ECHDC1: variants seen among roughly 807,000 people sequenced by gnomAD.
The protein encoded by ECHDC1 is ethylmalonyl-CoA decarboxylase 1.
In ECHDC1, 29 loss-of-function variants were observed where a neutral mutation model predicts 29.7. The ratio of observed to expected loss-of-function variants is 0.98; its 90% CI spans 0.73 to 1.33. The LOEUF is 1.33. Among genes scored for constraint, ECHDC1 ranks in the 40% most tolerant of loss-of-function variants. The pLI, the probability that ECHDC1 is intolerant of heterozygous loss-of-function variation, is 0.00. For synonymous variants in ECHDC1, 126 were observed against 123.1 expected, an observed-to-expected ratio of 1.02 and a Z score of -0.15; for missense variants, 328 against 350.0, an observed-to-expected ratio of 0.94 and a Z score of 0.50.
rs184349694 is a variant in ECHDC1, at chr6:127,297,064, T to G, written c.498-6787A>C. Among the ~76,000 whole-genome samples, 8 of 152,236 alleles carry G rather than the reference T, an allele frequency of 5.3e-5. No individual in the cohort carries two copies. The East Asian group carries it at 1.5e-3, about 29-fold the overall frequency. ...TGCATATTAAAACTATGCTGAAATA[T>G]TGTTCCTTACCCATGAAATTGGCAA... is the stretch of plus-strand genomic sequence containing the variant. On this transcript the variant is annotated intron_variant, in intron 5 of 5. Coordinates refer to ENST00000454859, the MANE Select transcript of ECHDC1 (RefSeq NM_001002030.2).
At chr6:127,295,324 G>T (rs1192070422) in intron 5 of ECHDC1, among the ~76,000 whole-genome samples, 5 of 152,124 alleles carry the variant, frequency 3.3e-5, no homozygotes, top group Non-Finnish European at 7.3e-5. Context: ...TACCTTGGCT[G>T]AGGGTTATTT....
chr6:127,325,230 ATAT>A (rs1783215682), intron 3 of ECHDC1, among the ~76,000 whole-genome samples: 1 of 152,206 alleles, frequency 6.6e-6, no homozygotes, highest in Non-Finnish European at 1.5e-5. Flanking sequence ...ATTCTACAGA[ATAT>A]CTAACCAGCA....
intron 5 of ECHDC1, among the ~76,000 whole-genome samples, chr6:127,293,328 A>G (rs1049688514): frequency 5.9e-5 from 9 of 152,176 alleles, no homozygotes; most frequent in Non-Finnish European, 1.0e-4. Flanking sequence ...TACTTCTAGT[A>G]AATTCTGTGA....
At position 127,288,937 on chromosome 6, in the gene ECHDC1, G is replaced by T. The variant is rs1199207272; in HGVS notation, c.*932C>A. The T allele has an allele frequency of 2.6e-5, 4 of 151,990 alleles. No individual in the cohort carries two copies. Among genetic ancestry groups the T allele is most frequent in the Non-Finnish European group, 5.9e-5 (4 of 67,950 alleles). The allele number at this position is 151,990 out of a possible 1,614,324, so 9.4% of individuals were successfully genotyped here. A position where few individuals can be genotyped will look rare whatever the true frequency, so the allele number is the denominator to read the frequency against. ...GAATGTTACAGTAGCAAATACTTTTGACCTCTTGTGATGAGTCAGAACTAG... is the reference window on the plus strand; with the variant it reads ...GAATGTTACAGTAGCAAATACTTTTTACCTCTTGTGATGAGTCAGAACTAG... On this transcript the variant is annotated 3_prime_UTR_variant, in exon 6 of 6. Transcript: ENST00000454859.
chr6:127,290,093 G>C lies in ECHDC1; in HGVS notation c.682C>G (p.Gln228Glu), dbSNP rs1290493484. 1 of 1,613,678 alleles carries C rather than the reference G, an allele frequency of 6.2e-7. No homozygotes were observed. Among genetic ancestry groups the C allele is most frequent in the South Asian group, 1.1e-5 (1 of 91,062 alleles). ...AGAGATTTAGTTTCATCTGAAGACTGCAAGACCTCTTCAACCATTCCTATG... is the reference window on the plus strand; with the variant it reads ...AGAGATTTAGTTTCATCTGAAGACTCCAAGACCTCTTCAACCATTCCTATG... Reference protein sequence around the residue: ...LNIGMVEEVLQSSDETKSLEE... With the variant: ...LNIGMVEEVLESSDETKSLEE... The change falls in exon 6 of 6, where the codon CAG becomes GAG. Residue 228 changes from glutamine to glutamate, a missense_variant. By Grantham distance (29) the Gln-to-Glu change is conservative. Transcript: ENST00000454859.
chr6:127,296,205 T>G (rs1338612268), intron 5 of ECHDC1, among the ~76,000 whole-genome samples: 1 of 152,190 alleles, frequency 6.6e-6, no homozygotes, highest in Non-Finnish European at 1.5e-5. Context: ...TGTCTGTTTT[T>G]TTTTAGACAG....
intron 2 of ECHDC1, among the ~76,000 whole-genome samples, chr6:127,329,064 A>T (rs965246357): frequency 3.3e-5 from 5 of 151,728 alleles, no homozygotes; most frequent in South Asian, 2.1e-4. Context: ...ATAAATAAAT[A>T]AAAAAAACAA....
intron 1 of ECHDC1, among the ~76,000 whole-genome samples, chr6:127,337,916 C>A (rs1395789248): frequency 6.6e-6 from 1 of 152,142 alleles, no homozygotes; most frequent in East Asian, 1.9e-4. Flanking sequence ...CTGAAGCTTT[C>A]TTTACTTTTT....
At chr6:127,318,467 C>A (rs1488842033) in intron 3 of ECHDC1, among the ~76,000 whole-genome samples, 1 of 152,144 alleles carries the variant, frequency 6.6e-6, no homozygotes, top group African/African-American at 2.4e-5. Flanking sequence ...ATCATCTCTA[C>A]AAGATGGGGA....
At chr6:127,293,754 G>A (rs1257846350) in intron 5 of ECHDC1, among the ~76,000 whole-genome samples, 1 of 152,042 alleles carries the variant, frequency 6.6e-6, no homozygotes, top group Non-Finnish European at 1.5e-5. Context: ...CTGTATACTA[G>A]CTTTTAATAC....
At chr6:127,292,680 A>T (rs989099255) in intron 5 of ECHDC1, among the ~76,000 whole-genome samples, 17 of 152,158 alleles carry the variant, frequency 1.1e-4, no homozygotes, top group African/African-American at 3.8e-4. Flanking sequence ...GAAAAACCTA[A>T]TTTAAGAAGG....
intron 2 of ECHDC1, among the ~76,000 whole-genome samples, chr6:127,329,412 G>A (rs1783705869): frequency 6.6e-6 from 1 of 152,102 alleles, no homozygotes; most frequent in Non-Finnish European, 1.5e-5. Context: ...TAACTTTTCA[G>A]AAATAAATCA....
chr6:127,327,679 TGTTCCATG>T (rs1783480578), intron 2 of ECHDC1, among the ~76,000 whole-genome samples: 1 of 152,200 alleles, frequency 6.6e-6, no homozygotes, highest in Admixed American at 6.5e-5. Flanking sequence ...AATACCATCT[TGTTCCATG>T]GTTAACAAAC....
chr6:127,307,874 C>T (rs1434791233), intron 5 of ECHDC1, among the ~76,000 whole-genome samples: 1 of 151,504 alleles, frequency 6.6e-6, no homozygotes, highest in African/African-American at 2.4e-5. Context: ...AACTACATGT[C>T]AATAAATTGG....
At chr6:127,331,721 T>G in intron 1 of ECHDC1, 1 of 699,640 alleles carries the variant, frequency 1.4e-6, no homozygotes, top group South Asian at 6.5e-5. Context: ...TTTTAAAATC[T>G]AAGAATAAAT....
chr6:127,337,542 A>G (rs1784539080), intron 1 of ECHDC1, among the ~76,000 whole-genome samples: 1 of 152,222 alleles, frequency 6.6e-6, no homozygotes, highest in African/African-American at 2.4e-5. Flanking sequence ...TATTTCTTAA[A>G]TGTATTTGAT....
intron 5 of ECHDC1, chr6:127,294,567 A>G (rs1160466953): frequency 5.3e-5 from 8 of 152,180 alleles, no homozygotes; most frequent in Admixed American, 5.2e-4. Flanking sequence ...ATGCAAACAG[A>G]CTGCTTGAGT....
At chr6:127,310,135 A>G (rs577144889) in intron 5 of ECHDC1, among the ~76,000 whole-genome samples, 18 of 152,264 alleles carry the variant, frequency 1.2e-4, no homozygotes, top group Admixed American at 2.0e-4. Context: ...TAATGGGTAC[A>G]AAAAAATAGA....
intron 2 of ECHDC1, among the ~76,000 whole-genome samples, chr6:127,329,505 T>C (rs930893534): frequency 5.3e-5 from 8 of 152,226 alleles, no homozygotes; most frequent in Non-Finnish European, 1.0e-4. Context: ...AATTGGTTTT[T>C]ATTCCCTAAA....
Sources: allele counts gnomAD v4.1 joint callset (sites outside exome capture counted in the v4.1 genomes callset), GRCh38; gene constraint gnomAD v4.1.1; transcripts MANE v1.5; gene names NCBI Gene and HGNC (gene_info 2026-07-23, HGNC 2026-07-21).